The following NXPE2 variants were observed in gnomAD, a reference collection of about 807,000 sequenced individuals.
The protein encoded by NXPE2 is neurexophilin and PC-esterase domain family member 2, also known as NXPE family member 2.
NXPE2 carries 34 observed loss-of-function variants against 34.4 expected under a neutral mutation model. The ratio of observed to expected loss-of-function variants is 0.99; its 90% confidence interval spans 0.75 to 1.31. The LOEUF is 1.31. Ranked by LOEUF, NXPE2 falls within the 40% of genes most tolerant of loss-of-function variation. The pLI is 0.00. For missense variants in NXPE2, 649 were observed against 672.5 expected, an observed-to-expected ratio of 0.97 and a Z score of 0.39; for synonymous variants, 235 against 231.3, an observed-to-expected ratio of 1.02 and a Z score of -0.15.
At chr11:114,809,960 C>A in the NXPE2 span, among the ~76,000 whole-genome samples, 1 of 151,062 alleles carries the variant, frequency 6.6e-6, no homozygotes, top group African/African-American at 2.4e-5. Context: ...GCTACAGTAA[C>A]CAAAACAGCA....
At chr11:114,529,877 TG>T in the NXPE2 span, 1 of 304,678 alleles carries the variant, frequency 3.3e-6, no homozygotes, top group East Asian at 5.8e-5. Context: ...AAATATGATA[TG>T]GGAGGTGAAG....
At chr11:114,614,330 C>G in the NXPE2 span, among the ~76,000 whole-genome samples, 2 of 151,266 alleles carry the variant, frequency 1.3e-5, no homozygotes, top group Non-Finnish European at 2.9e-5. Flanking sequence ...ACCACGGTTA[C>G]CTGATGGATA....
chr11:114,745,397 C>G, the NXPE2 span, among the ~76,000 whole-genome samples: 2 of 152,164 alleles, frequency 1.3e-5, no homozygotes, highest in Non-Finnish European at 2.9e-5. Context: ...TTTCAACAAA[C>G]AGTTCTTACA....
At chr11:114,713,365 A>G in the NXPE2 span, among the ~76,000 whole-genome samples, 4 of 152,214 alleles carry the variant, frequency 2.6e-5, no homozygotes, top group African/African-American at 9.6e-5. Flanking sequence ...CATGGCAAAT[A>G]AACTTAAATG....
chr11:114,629,619 G>T, the NXPE2 span, among the ~76,000 whole-genome samples: 1 of 151,978 alleles, frequency 6.6e-6, no homozygotes, highest in Non-Finnish European at 1.5e-5. Context: ...ACAAGACAGG[G>T]ATGCCCTCTC....
At chr11:114,496,318 A>T in the NXPE2 span, among the ~76,000 whole-genome samples, 1 of 152,152 alleles carries the variant, frequency 6.6e-6, no homozygotes, top group Non-Finnish European at 1.5e-5. Context: ...TATGTCCCAC[A>T]ATCACTGTGC....
chr11:114,802,544 C>T, the NXPE2 span, among the ~76,000 whole-genome samples: 13,281 of 152,186 alleles, frequency 0.087, 624 homozygotes, highest in East Asian at 0.16. Flanking sequence ...TGGGGTCTAG[C>T]GTGGACTTTC....
the NXPE2 span, chr11:114,570,511 A>C: frequency 0.021 from 3,363 of 156,432 alleles, 130 homozygotes; most frequent in African/African-American, 0.077. Context: ...ACTATGGGAG[A>C]ATTGCCTCAC....
At chr11:114,747,221 A>T in the NXPE2 span, among the ~76,000 whole-genome samples, 1 of 152,158 alleles carries the variant, frequency 6.6e-6, no homozygotes. Flanking sequence ...AAATCTGCTT[A>T]CTTAATTTTT....
the NXPE2 span, among the ~76,000 whole-genome samples, chr11:114,593,122 G>T: frequency 6.6e-6 from 1 of 152,136 alleles, no homozygotes; most frequent in African/African-American, 2.4e-5. Context: ...GTAGCCAGAG[G>T]ATTTTTGGAT....
the NXPE2 span, among the ~76,000 whole-genome samples, chr11:114,592,530 C>T: frequency 6.6e-6 from 1 of 151,486 alleles, no homozygotes; most frequent in Admixed American, 6.6e-5. Flanking sequence ...CACACACACA[C>T]TCACACACAC....
At chr11:114,724,056 A>G in the NXPE2 span, among the ~76,000 whole-genome samples, 1 of 152,168 alleles carries the variant, frequency 6.6e-6, no homozygotes, top group Non-Finnish European at 1.5e-5. Context: ...GTTTCCTTTT[A>G]AAAAATATAA....
At chr11:114,490,139 C>T in the NXPE2 span, among the ~76,000 whole-genome samples, 26 of 152,110 alleles carry the variant, frequency 1.7e-4, no homozygotes, top group African/African-American at 6.3e-4. Flanking sequence ...CCTAGGAATC[C>T]AACTTACAAG....
the NXPE2 span, among the ~76,000 whole-genome samples, chr11:114,567,511 T>C: frequency 6.6e-6 from 1 of 152,050 alleles, no homozygotes; most frequent in African/African-American, 2.4e-5. Flanking sequence ...TCAAGTTTTT[T>C]TTGGACACCG....
At chr11:114,601,028 A>C in the NXPE2 span, among the ~76,000 whole-genome samples, 2 of 152,008 alleles carry the variant, frequency 1.3e-5, no homozygotes, top group African/African-American at 4.8e-5. Context: ...TGAACATTTC[A>C]AGTTGCCATC....
intron 2 of NXPE2, among the ~76,000 whole-genome samples, chr11:114,687,552 C>A (rs758968361): frequency 6.6e-6 from 1 of 152,010 alleles, no homozygotes; most frequent in Non-Finnish European, 1.5e-5. Flanking sequence ...AATGTGATGC[C>A]ACTAGCTGTA....
At chr11:114,637,844 G>T in the NXPE2 span, among the ~76,000 whole-genome samples, 3 of 151,998 alleles carry the variant, frequency 2.0e-5, no homozygotes, top group African/African-American at 7.3e-5. Flanking sequence ...CTGTTAGTCT[G>T]ATGGGCTTCC....
At chr11:114,502,003 A>G in the NXPE2 span, among the ~76,000 whole-genome samples, 525 of 152,246 alleles carry the variant, frequency 3.4e-3, 3 homozygotes, top group African/African-American at 0.011. Flanking sequence ...CCATTGCACT[A>G]TTGACATTTT....
chr11:114,585,766 T>C, the NXPE2 span, among the ~76,000 whole-genome samples: 1 of 152,140 alleles, frequency 6.6e-6, no homozygotes, highest in South Asian at 2.1e-4. Flanking sequence ...AATCATTTCT[T>C]TTCTAACAAA....
Sources: gnomAD v4.1 joint callset for allele counts (sites outside exome capture counted in the v4.1 genomes callset) on GRCh38, gnomAD v4.1.1 for gene constraint, MANE v1.5 for transcripts, NCBI Gene and HGNC (gene_info 2026-07-23, HGNC 2026-07-21) for gene names.